The following SCN8A variants were observed in gnomAD, a reference collection of about 807,000 sequenced individuals.
The protein encoded by SCN8A is sodium channel protein type 8 subunit alpha.
A neutral mutation model predicts 184.1 loss-of-function variants in SCN8A; 30 were observed. The observed-to-expected ratio is 0.16, with a 90% CI of 0.12 to 0.22. The LOEUF is 0.22. SCN8A is among the 10% of genes least tolerant of loss of function. The pLI, the probability that SCN8A is intolerant of heterozygous loss-of-function variation, is 1.00. For missense variants in SCN8A, 1,057 were observed against 2,498.9 expected (o/e 0.42, Z 12.30); for synonymous variants, 852 against 907.0 (o/e 0.94, Z 1.09).
chr12:51,777,212 C>T (rs930028311), intron 20 of SCN8A, among the ~76,000 whole-genome samples: 6 of 152,114 alleles, frequency 3.9e-5, no homozygotes, highest in African/African-American at 1.4e-4. Context: ...TGTCTTTCCC[C>T]CTTTTTTTCC....
At position 51,717,512 on chromosome 12, in the gene SCN8A, G is replaced by A. The variant is rs560032322; in HGVS notation, c.1636-4034G>A. ...ACCAATAACAAGTCATGTACTAGCTGCCTGTGAATCACACCGAGCAGAGCT... is the reference window on the plus strand; with the variant it reads ...ACCAATAACAAGTCATGTACTAGCTACCTGTGAATCACACCGAGCAGAGCT... On this transcript the variant is annotated intron_variant, in intron 11 of 26. Transcript: ENST00000627620. Among the ~76,000 whole-genome samples, 12 of 152,286 alleles carry A rather than the reference G, an allele frequency of 7.9e-5. 1 individual carries two copies. Among genetic ancestry groups the A allele is most frequent in the African/African-American group, 2.2e-4 (9 of 41,556 alleles).
chr12:51,633,171 T>G (rs1329379185), intron 1 of SCN8A, among the ~76,000 whole-genome samples: 1 of 152,238 alleles, frequency 6.6e-6, no homozygotes. Context: ...CCAAGAGATG[T>G]GGTGGATCAG....
intron 1 of SCN8A, among the ~76,000 whole-genome samples, chr12:51,644,763 C>T (rs1016522586): frequency 2.0e-5 from 3 of 151,838 alleles, no homozygotes; most frequent in African/African-American, 4.8e-5. Flanking sequence ...CGTCTCTGCC[C>T]GGCCGCCATC....
In SCN8A at chr12:51,721,739, G is replaced by A. The variant is rs1438139623; in HGVS notation, c.1829G>A (p.Arg610His). The A allele has an allele frequency of 6.2e-7, 1 of 1,604,112 alleles. No individual in the cohort carries two copies. Among genetic ancestry groups the A allele is most frequent in the Non-Finnish European group, 8.5e-7 (1 of 1,175,426 alleles). The change falls in exon 12 of 27, where the codon CGC (arginine) becomes CAC (histidine). Residue 610 changes from arginine (R) to histidine (H), a missense_variant. Arg to His is a conservative substitution (Grantham distance 29, BLOSUM62 0). This residue lies in a region of SCN8A where 322 missense variants were observed against 390.1 expected (regional missense o/e 0.83). Transcript: ENST00000627620. ...SLFIPIRARE[R>H]RSSYSGYSGY... Reference sequence around the variant, plus strand: ...TTCATCCCCATCCGGGCCCGCGAGCGCCGGAGCAGCTACAGCGGCTACAGC... The same window carrying A: ...TTCATCCCCATCCGGGCCCGCGAGCACCGGAGCAGCTACAGCGGCTACAGC...
intron 14 of SCN8A, among the ~76,000 whole-genome samples, chr12:51,758,290 G>C (rs1942708060): frequency 6.6e-6 from 1 of 152,178 alleles, no homozygotes. Flanking sequence ...CACCCTATCT[G>C]TAAAATAAAT....
In SCN8A at chr12:51,700,804, T is replaced by C. The variant is rs185113311; in HGVS notation, c.929-340T>C. ...AAGACACGTTGTAAGGATAGAAGAA[T>C]AGAGTGGTATAAAGGGGTGTACAAC... On this transcript the variant is annotated intron_variant, in intron 7 of 26. Transcript: ENST00000627620. Among the ~76,000 whole-genome samples the C allele has an allele frequency of 5.3e-5, 8 of 152,288 alleles. No homozygotes were observed. The East Asian group carries it at 1.3e-3, about 26-fold the overall frequency.
intron 12 of SCN8A, among the ~76,000 whole-genome samples, chr12:51,741,575 G>A (rs1942424253): frequency 6.6e-6 from 1 of 151,858 alleles, no homozygotes; most frequent in South Asian, 2.1e-4. Context: ...CTTAGTGAAG[G>A]TTATTTTCTC....
At chr12:51,766,736 G>C (rs753056068) in intron 16 of SCN8A, among the ~76,000 whole-genome samples, 14 of 152,208 alleles carry the variant, frequency 9.2e-5, no homozygotes, top group Non-Finnish European at 2.1e-4. Flanking sequence ...AGTGTGATCT[G>C]AGGACTAGCA....
At chr12:51,767,343 C>A (rs537030234) in intron 16 of SCN8A, among the ~76,000 whole-genome samples, 3 of 152,210 alleles carry the variant, frequency 2.0e-5, no homozygotes, top group Non-Finnish European at 2.9e-5. Flanking sequence ...ACCACTACCC[C>A]CTGATGACAC....
At chr12:51,629,582 CAAAAAAAAAAA>C (rs71092711) in intron 1 of SCN8A, among the ~76,000 whole-genome samples, 3 of 129,546 alleles carry the variant, frequency 2.3e-5, no homozygotes, top group South Asian at 2.5e-4. Context: ...ATCAGTTTTG[CAAAAAAAAAAA>C]AAAAAAAAAA....
chr12:51,645,852 GACCT>G (rs987474113), intron 1 of SCN8A, among the ~76,000 whole-genome samples: 3 of 148,998 alleles, frequency 2.0e-5, no homozygotes, highest in Non-Finnish European at 4.5e-5. Context: ...GAAAACCAGA[GACCT>G]TTGTTCACTT....
intron 21 of SCN8A, among the ~76,000 whole-genome samples, 196 bp downstream of exon 21, chr12:51,780,967 T>C (rs1319164011): frequency 1.3e-5 from 2 of 152,138 alleles, no homozygotes; most frequent in South Asian, 2.1e-4. Flanking sequence ...ACATTAATAT[T>C]GGCCCCACCC....
intron 1 of SCN8A, among the ~76,000 whole-genome samples, chr12:51,613,773 A>G (rs139454479): frequency 6.6e-6 from 1 of 152,008 alleles, no homozygotes; most frequent in African/African-American, 2.4e-5. Context: ...ACAAATTTTG[A>G]TATGTTGATT....
intron 1 of SCN8A, among the ~76,000 whole-genome samples, chr12:51,636,235 A>G (rs567611300): frequency 6.6e-6 from 1 of 152,228 alleles, no homozygotes; most frequent in East Asian, 1.9e-4. Context: ...TGACCTCGTG[A>G]TCCGCCTGCC....
At position 51,807,834 on chromosome 12, in the gene SCN8A, T is replaced by A. The variant is rs1181321694; in HGVS notation, c.*405T>A. Reference sequence around the variant, plus strand: ...ATCACTTTAAAAGTTCGTTTGTTCATGCAAACTATATTTGCATTCTTACAT... The same window carrying A: ...ATCACTTTAAAAGTTCGTTTGTTCAAGCAAACTATATTTGCATTCTTACAT... On this transcript the variant is annotated 3_prime_UTR_variant, in exon 27 of 27. Transcript: ENST00000627620. The surrounding 1 kb of genome is among the most constrained non-coding windows in gnomAD (Gnocchi z 4.5). The A allele has an allele frequency of 4.3e-6, 1 of 232,254 alleles. No individual in the cohort carries two copies. Among genetic ancestry groups the A allele is most frequent in the Admixed American group, 5.2e-5 (1 of 19,302 alleles). The allele number at this position is 232,254 out of a possible 1,614,324, so 14.4% of individuals were successfully genotyped here. A position where few individuals can be genotyped will look rare whatever the true frequency, so the allele number is the denominator to read the frequency against.
chr12:51,746,139 C>CT, intron 13 of SCN8A, 104 bp downstream of exon 13: 12 of 1,121,850 alleles, frequency 1.1e-5, no homozygotes, highest in Non-Finnish European at 1.5e-5. Flanking sequence ...AAGACTGTCT[C>CT]TGAGCTTTAG....
At chr12:51,637,683 A>G (rs1940349274) in intron 1 of SCN8A, among the ~76,000 whole-genome samples, 1 of 152,220 alleles carries the variant, frequency 6.6e-6, no homozygotes, top group South Asian at 2.1e-4. Context: ...AGGTTGGTTC[A>G]AGAGATTTAA....
At chr12:51,790,596 T>A in intron 25 of SCN8A, 94 bp downstream of exon 25, 1 of 793,340 alleles carries the variant, frequency 1.3e-6, no homozygotes, top group Non-Finnish European at 2.1e-6. Flanking sequence ...GGTAAGTGAT[T>A]GGCTGCTTTG....
intron 15 of SCN8A, among the ~76,000 whole-genome samples, chr12:51,764,053 A>C (rs1046002123): frequency 6.6e-6 from 1 of 152,224 alleles, no homozygotes; most frequent in Non-Finnish European, 1.5e-5. Flanking sequence ...GTGACAAAAG[A>C]AAGGATTGAG....
Sources: allele counts gnomAD v4.1 joint callset (sites outside exome capture counted in the v4.1 genomes callset), GRCh38; gene constraint gnomAD v4.1.1; regional missense constraint gnomAD v4.1.1; non-coding constraint Gnocchi (gnomAD v3.1); transcripts MANE v1.5; gene names NCBI Gene and HGNC (gene_info 2026-07-23, HGNC 2026-07-21).